PAX2: variants seen among roughly 807,000 people sequenced by gnomAD.
The protein encoded by PAX2 is paired box protein Pax-2.
A neutral mutation model predicts 41.7 loss-of-function variants in PAX2; 9 were observed. The ratio of observed to expected loss-of-function variants is 0.22; its 90% confidence interval spans 0.13 to 0.38. The LOEUF (loss-of-function observed/expected upper bound fraction) is 0.38. Ranked by LOEUF, PAX2 falls within the 10% of genes least tolerant of loss-of-function variation. The pLI, the probability that PAX2 is intolerant of heterozygous loss-of-function variation, is 1.00. For missense variants in PAX2, 418 were observed against 531.6 expected (o/e 0.79, Z 2.10); for synonymous variants, 221 against 212.7 (o/e 1.04, Z -0.34).
At chr10:100,804,991 CT>C (rs1847710587) in intron 5 of PAX2, among the ~76,000 whole-genome samples, 2 of 147,196 alleles carry the variant, frequency 1.4e-5, no homozygotes, top group Non-Finnish European at 3.0e-5. Flanking sequence ...CTCTCTCTCT[CT>C]CTCTCCTTCT....
At chr10:100,786,450 G>A (rs1024701585) in intron 5 of PAX2, among the ~76,000 whole-genome samples, 5 of 152,206 alleles carry the variant, frequency 3.3e-5, no homozygotes, top group African/African-American at 4.8e-5. Context: ...TCTTTACCTT[G>A]GAAAATGTAT....
intron 7 of PAX2, among the ~76,000 whole-genome samples, chr10:100,810,601 G>T (rs996894026): frequency 2.0e-5 from 3 of 152,216 alleles, no homozygotes; most frequent in African/African-American, 7.2e-5. Flanking sequence ...GCAGAGAGAC[G>T]GCCCAGGCCA....
At chr10:100,815,269 G>A (rs1294885056) in intron 7 of PAX2, among the ~76,000 whole-genome samples, 1 of 150,850 alleles carries the variant, frequency 6.6e-6, no homozygotes, top group African/African-American at 2.5e-5. Flanking sequence ...TTCTCAAGGA[G>A]GCTGGGAGTC....
At chr10:100,784,158 G>A (rs939569150) in intron 5 of PAX2, among the ~76,000 whole-genome samples, 2 of 152,204 alleles carry the variant, frequency 1.3e-5, no homozygotes, top group African/African-American at 4.8e-5. Flanking sequence ...CAGCTCAGAT[G>A]ATTAAGAATA....
At chr10:100,774,854 TG>T (rs769873398) in intron 3 of PAX2, among the ~76,000 whole-genome samples, 11 of 152,350 alleles carry the variant, frequency 7.2e-5, no homozygotes, top group Admixed American at 2.6e-4. Flanking sequence ...CCAGAACCCA[TG>T]TCCTTCTTCC....
chr10:100,749,683 CCTGA>C (rs1393068120), intron 1 of PAX2, 59 bp from the exon 2 acceptor site: 1 of 1,567,808 alleles, frequency 6.4e-7, no homozygotes, highest in East Asian at 2.3e-5. Flanking sequence ...GGCCGCGGAC[CCTGA>C]CTAATGGCCG....
chr10:100,816,291 C>T (rs1252223303), intron 7 of PAX2, among the ~76,000 whole-genome samples: 1 of 152,214 alleles, frequency 6.6e-6, no homozygotes, highest in East Asian at 1.9e-4. Flanking sequence ...TTTCATGATT[C>T]GTCAGGTTAC....
chr10:100,802,610 C>T (rs1847604168), intron 5 of PAX2, among the ~76,000 whole-genome samples: 1 of 152,188 alleles, frequency 6.6e-6, no homozygotes, highest in South Asian at 2.1e-4. Flanking sequence ...AACCTTCTGC[C>T]AGAGGTATGG....
intron 5 of PAX2, among the ~76,000 whole-genome samples, chr10:100,794,388 T>C (rs1230656475): frequency 6.6e-6 from 1 of 152,234 alleles, no homozygotes; most frequent in Non-Finnish European, 1.5e-5. Flanking sequence ...ATAGAGGTAA[T>C]GGCATTTGCC....
chr10:100,738,012 G>C (rs1463654307), intron 1 of PAX2, among the ~76,000 whole-genome samples: 1 of 152,220 alleles, frequency 6.6e-6, no homozygotes, highest in African/African-American at 2.4e-5. Context: ...TATACCCCCA[G>C]AACTTACAAA....
At chr10:100,805,147 C>A (rs533154448) in intron 5 of PAX2, among the ~76,000 whole-genome samples, 4 of 152,074 alleles carry the variant, frequency 2.6e-5, no homozygotes, top group African/African-American at 9.6e-5. Context: ...GAAAGCAAAC[C>A]CCATGCTCGG....
At chr10:100,776,299 G>A (rs1490794513) in intron 3 of PAX2, among the ~76,000 whole-genome samples, 10 of 152,124 alleles carry the variant, frequency 6.6e-5, no homozygotes, top group Non-Finnish European at 1.2e-4. Flanking sequence ...TGCTCCAGTC[G>A]CTTTGCTGAG....
chr10:100,763,312 C>T (rs1313763054), intron 3 of PAX2, among the ~76,000 whole-genome samples: 3 of 152,146 alleles, frequency 2.0e-5, no homozygotes, highest in Non-Finnish European at 4.4e-5. Flanking sequence ...AAAGATCTGG[C>T]GATTTAGAAA....
chr10:100,824,623 C>T lies in PAX2; in HGVS notation c.920-25C>T. On this transcript the variant is annotated intron_variant, in intron 7 of 9. Transcript: ENST00000355243. This position sits in a 1 kb window ranked among gnomAD's most constrained non-coding sequence, Gnocchi z 6.6. ...GCAGGCCCCTTTCTTCCAGGCCTCA[C>T]CCCTTCCCCTTTGTGTTTTTCCAGG... 6.7e-7 allele frequency: 1 copy of T among 1,493,956 alleles called. No homozygotes were observed. The highest frequency in any genetic ancestry group is 9.3e-7 in the Non-Finnish European group (1 of 1,070,050). 92.5% of individuals were successfully genotyped at this position (1,493,956 alleles called of 1,614,324 possible).
chr10:100,803,005 G>C (rs776897883), intron 5 of PAX2, among the ~76,000 whole-genome samples: 1 of 151,830 alleles, frequency 6.6e-6, no homozygotes, highest in Admixed American at 6.6e-5. Context: ...TGCCGAGCTC[G>C]CTCCCCATCT....
chr10:100,766,139 G>A (rs1289910500), intron 3 of PAX2, among the ~76,000 whole-genome samples: 1 of 152,210 alleles, frequency 6.6e-6, no homozygotes, highest in Non-Finnish European at 1.5e-5. Flanking sequence ...TTGAACCCAT[G>A]CAGTCCTGGC....
At chr10:100,737,412 C>A (rs1019907914) in intron 1 of PAX2, among the ~76,000 whole-genome samples, 2 of 152,384 alleles carry the variant, frequency 1.3e-5, no homozygotes, top group Admixed American at 1.3e-4. Flanking sequence ...TTAGGGCGGC[C>A]GCTTACCCGG....
At chr10:100,758,944 TG>T (rs1195118110) in intron 3 of PAX2, among the ~76,000 whole-genome samples, 1 of 150,496 alleles carries the variant, frequency 6.6e-6, no homozygotes, top group Non-Finnish European at 1.5e-5. Context: ...GGAGGAGAGG[TG>T]GGGTGTGGGT....
At chr10:100,745,367 T>G, upstream of PAX2, among the ~76,000 whole-genome samples, 1 of 139,776 alleles carries the variant, frequency 7.2e-6, no homozygotes, top group Non-Finnish European at 1.6e-5. Flanking sequence ...TCCCTCCCAT[T>G]TCTCCCTCCC....
Sources: gnomAD v4.1 joint callset for allele counts (sites outside exome capture counted in the v4.1 genomes callset) on GRCh38, gnomAD v4.1.1 for gene constraint, Gnocchi (gnomAD v3.1) non-coding constraint, MANE v1.5 for transcripts, NCBI Gene and HGNC (gene_info 2026-07-23, HGNC 2026-07-21) for gene names.